The following ARID5B variants were observed in gnomAD, a reference collection of about 807,000 sequenced individuals.
ARID5B encodes AT-rich interaction domain 5B, also known as AT-rich interactive domain-containing protein 5B.
Under a neutral mutation model 97.2 loss-of-function variants are expected in ARID5B, and 13 were observed. The observed-to-expected ratio is 0.13, with a 90% confidence interval of 0.09 to 0.21. ARID5B has a LOEUF of 0.21. Among genes scored for constraint, ARID5B ranks in the 10% least tolerant of loss-of-function variants. The pLI is 1.00. For synonymous variants in ARID5B, 556 were observed against 570.3 expected (o/e 0.97, Z 0.36); for missense variants, 1,210 against 1,465.3 (o/e 0.83, Z 2.84).
chr10:61,912,182 CAA>C (rs1283400878), intron 2 of ARID5B, among the ~76,000 whole-genome samples: 1 of 152,096 alleles, frequency 6.6e-6, no homozygotes, highest in Non-Finnish European at 1.5e-5. Context: ...TAACTGGAGA[CAA>C]AGAACTAAGT....
intron 9 of ARID5B, among the ~76,000 whole-genome samples, chr10:62,089,235 A>G (rs1840333758): frequency 6.6e-6 from 1 of 152,236 alleles, no homozygotes; most frequent in African/African-American, 2.4e-5. Context: ...TTTGTACTGG[A>G]AAAGGCAGCT....
At chr10:62,066,961 G>A (rs1839997752) in intron 7 of ARID5B, among the ~76,000 whole-genome samples, 1 of 152,196 alleles carries the variant, frequency 6.6e-6, no homozygotes, top group African/African-American at 2.4e-5. Flanking sequence ...TGTAACATTT[G>A]TTAGCACAGT....
chr10:61,922,008 A>G (rs1241097459), intron 2 of ARID5B, among the ~76,000 whole-genome samples: 1 of 152,036 alleles, frequency 6.6e-6, no homozygotes, highest in Admixed American at 6.6e-5. Context: ...TGCCCGGCTA[A>G]TTTTTTGATA....
chr10:61,918,824 A>G (rs556550422), intron 2 of ARID5B, among the ~76,000 whole-genome samples: 34 of 143,382 alleles, frequency 2.4e-4, no homozygotes, highest in African/African-American at 6.9e-4. Context: ...ACTTGAGGTT[A>G]GGAGTTTGTG....
chr10:61,984,969 GC>G (rs1414935442), intron 3 of ARID5B, among the ~76,000 whole-genome samples: 4 of 152,048 alleles, frequency 2.6e-5, no homozygotes, highest in African/African-American at 9.7e-5. Flanking sequence ...GCATCAGTTT[GC>G]CCATCTGAAA....
chr10:61,960,088 CT>C lies in ARID5B; in HGVS notation c.502+19683del, dbSNP rs1838448216. On this transcript the variant is annotated intron_variant, in intron 3 of 9. Coordinates refer to ENST00000279873, the MANE Select transcript of ARID5B (RefSeq NM_032199.3). ...TACCCGCTTGGTTGGTGGGTTTCCT[CT>C]TTCAGATTGGAGGGTTTCTTTTTTC... Among the ~76,000 whole-genome samples the C allele has an allele frequency of 2.6e-5, 4 of 152,246 alleles. No homozygotes were observed. The South Asian group carries it at 8.3e-4, about 32-fold the overall frequency.
chr10:62,019,569 C>A (rs761433529), intron 4 of ARID5B, among the ~76,000 whole-genome samples: 1 of 152,150 alleles, frequency 6.6e-6, no homozygotes, highest in Non-Finnish European at 1.5e-5. Flanking sequence ...ATTAGGCCGC[C>A]GGAGATATTA....
chr10:61,960,879 A>G (rs1290153021), intron 3 of ARID5B, among the ~76,000 whole-genome samples: 3 of 152,238 alleles, frequency 2.0e-5, no homozygotes, highest in Non-Finnish European at 2.9e-5. Flanking sequence ...ATAGACTAGC[A>G]CTCTGGATCC....
At chr10:62,057,355 C>A in intron 6 of ARID5B, 37 bp downstream of exon 6, 1 of 1,572,978 alleles carries the variant, frequency 6.4e-7, no homozygotes, top group Non-Finnish European at 8.7e-7. Context: ...ATTATCAGAG[C>A]TGCTCAGATT....
At chr10:61,929,125 T>G (rs1844160875) in intron 2 of ARID5B, among the ~76,000 whole-genome samples, 2 of 152,244 alleles carry the variant, frequency 1.3e-5, no homozygotes, top group Admixed American at 6.5e-5. Flanking sequence ...AGTTCCTTCA[T>G]TTTTAATTTC....
intron 2 of ARID5B, among the ~76,000 whole-genome samples, chr10:61,906,516 C>T (rs1843710724): frequency 6.6e-6 from 1 of 152,214 alleles, no homozygotes; most frequent in Admixed American, 6.5e-5. Context: ...TGGATTTCAG[C>T]CTGACCAGCC....
At chr10:62,082,540 G>T (rs745535030) in intron 8 of ARID5B, among the ~76,000 whole-genome samples, 3 of 152,138 alleles carry the variant, frequency 2.0e-5, no homozygotes, top group Non-Finnish European at 4.4e-5. Flanking sequence ...AATCTTTGCT[G>T]TGCTACAAAT....
At chr10:61,901,781 C>T (rs770519198) in intron 1 of ARID5B, 51 bp downstream of exon 1, 16 of 1,571,162 alleles carry the variant, frequency 1.0e-5, no homozygotes, top group African/African-American at 8.1e-5. Flanking sequence ...CGGCACCCCC[C>T]AACCCCCCAG....
chr10:61,988,097 T>C (rs1838871145), intron 3 of ARID5B, among the ~76,000 whole-genome samples: 1 of 152,180 alleles, frequency 6.6e-6, no homozygotes, highest in African/African-American at 2.4e-5. Flanking sequence ...CACATCTGTA[T>C]CATCAGCTTT....
intron 4 of ARID5B, among the ~76,000 whole-genome samples, chr10:62,003,483 T>C (rs182801389): frequency 6.6e-6 from 1 of 152,344 alleles, no homozygotes; most frequent in East Asian, 1.9e-4. Flanking sequence ...AATGTCTAGA[T>C]TGTTTAAAAC....
At chr10:62,018,030 A>G (rs1251991253) in intron 4 of ARID5B, among the ~76,000 whole-genome samples, 3 of 152,242 alleles carry the variant, frequency 2.0e-5, no homozygotes, top group Admixed American at 6.5e-5. Context: ...TTGACCTCTG[A>G]GATGATTTAA....
At chr10:61,966,523 T>C (rs1306067291) in intron 3 of ARID5B, among the ~76,000 whole-genome samples, 1 of 152,170 alleles carries the variant, frequency 6.6e-6, no homozygotes, top group Non-Finnish European at 1.5e-5. Context: ...TACACAACTG[T>C]AGATTTTTTT....
chr10:61,963,936 G>A (rs749801949), intron 3 of ARID5B, among the ~76,000 whole-genome samples: 7 of 152,082 alleles, frequency 4.6e-5, no homozygotes, highest in Non-Finnish European at 8.8e-5. Flanking sequence ...TGTGCCTGGT[G>A]TGAAAAACAT....
intron 3 of ARID5B, among the ~76,000 whole-genome samples, chr10:61,947,989 C>G (rs546406152): frequency 1.5e-4 from 23 of 152,306 alleles, no homozygotes; most frequent in Admixed American, 1.5e-3. Context: ...TTCATTTCTT[C>G]TTCTGATGAC....
Sources: gnomAD v4.1 joint callset for allele counts (sites outside exome capture counted in the v4.1 genomes callset) on GRCh38, gnomAD v4.1.1 for gene constraint, MANE v1.5 for transcripts, NCBI Gene and HGNC (gene_info 2026-07-23, HGNC 2026-07-21) for gene names.